HYAL4: variants seen among roughly 807,000 people sequenced by gnomAD.
The protein encoded by HYAL4 is hyaluronidase 4.
HYAL4 carries 37 observed loss-of-function variants against 35.2 expected under a neutral mutation model. The observed-to-expected ratio is 1.05, with a 90% CI of 0.81 to 1.38. The LOEUF (loss-of-function observed/expected upper bound fraction) is 1.38. Ranked by LOEUF, HYAL4 falls within the 40% of genes most tolerant of loss-of-function variation. HYAL4 has a pLI of 0.00. For synonymous variants in HYAL4, 198 were observed against 203.2 expected (o/e 0.97, Z 0.22); for missense variants, 572 against 572.4 (o/e 1.00, Z 0.01).
chr7:123,842,482 G>A (rs533399581), upstream of HYAL4, among the ~76,000 whole-genome samples: 4 of 151,974 alleles, frequency 2.6e-5, no homozygotes, highest in East Asian at 1.9e-4. Context: ...TGTTGATTTC[G>A]GGTGGAGAGT....
At chr7:123,857,661 CTTTG>C (rs55760125) in intron 2 of HYAL4, among the ~76,000 whole-genome samples, 2,086 of 88,220 alleles carry the variant, frequency 0.024, 55 homozygotes, top group African/African-American at 0.063. Flanking sequence ...TTGTTTCTTT[CTTTG>C]TTTGTTTCTT....
At chr7:123,839,288 C>T (rs1240633728) in intron 1 of HYAL4, among the ~76,000 whole-genome samples, 1 of 152,158 alleles carries the variant, frequency 6.6e-6, no homozygotes, top group Admixed American at 6.5e-5. Flanking sequence ...TTTCTGGCTT[C>T]ATCCATGTCC....
Position 123,836,478 on chromosome 7 carries a change from G to A in HYAL4, c.-257+7354G>A, listed in dbSNP as rs1269080193. Among the ~76,000 whole-genome samples, 3 of 152,096 alleles carry A rather than the reference G, an allele frequency of 2.0e-5. No homozygotes were observed. The East Asian group carries it at 5.8e-4, about 29-fold the overall frequency. On this transcript the variant is annotated intron_variant, in intron 1 of 4. Coordinates refer to the HYAL4 transcript ENST00000489978. ...CTTAAGTTTATATGAGTCCTTATGT[G>A]TTAGGTGAGTCCTGAAGGCAGCATT...
chr7:123,788,156 A>G, the HYAL4 span, among the ~76,000 whole-genome samples: 1 of 152,162 alleles, frequency 6.6e-6, no homozygotes, highest in African/African-American at 2.4e-5. Flanking sequence ...CATCTCTACT[A>G]AGATAAAATT....
At chr7:123,837,139 A>T (rs1805977767) in intron 1 of HYAL4, among the ~76,000 whole-genome samples, 1 of 152,184 alleles carries the variant, frequency 6.6e-6, no homozygotes, top group African/African-American at 2.4e-5. Flanking sequence ...TGTCTGAAAA[A>T]GACTATCTTT....
At chr7:123,841,798 T>C (rs1195937593), upstream of HYAL4, among the ~76,000 whole-genome samples, 4 of 152,080 alleles carry the variant, frequency 2.6e-5, no homozygotes, top group Non-Finnish European at 5.9e-5. Context: ...TTTATGGTAT[T>C]CACTGATGGT....
chr7:123,831,446 T>G (rs948322800), intron 1 of HYAL4, among the ~76,000 whole-genome samples: 6 of 152,232 alleles, frequency 3.9e-5, no homozygotes, highest in South Asian at 2.1e-4. Flanking sequence ...GAACTCTTTT[T>G]TGTGTGTAAT....
At chr7:123,810,701 G>T in the HYAL4 span, among the ~76,000 whole-genome samples, 3 of 152,092 alleles carry the variant, frequency 2.0e-5, no homozygotes, top group Admixed American at 1.3e-4. Context: ...TTACATTAGG[G>T]TTCACTCTTC....
the HYAL4 span, among the ~76,000 whole-genome samples, chr7:123,779,279 A>G: frequency 6.6e-6 from 1 of 152,144 alleles, no homozygotes; most frequent in Non-Finnish European, 1.5e-5. Context: ...TTGAGAAGAA[A>G]AAGGTTAAGA....
At chr7:123,865,150 G>A (rs767588905) in intron 2 of HYAL4, among the ~76,000 whole-genome samples, 8 of 152,114 alleles carry the variant, frequency 5.3e-5, no homozygotes, top group Non-Finnish European at 8.8e-5. Flanking sequence ...GTGGTGATGA[G>A]GGAGCCGACC....
At chr7:123,836,957 G>A (rs1165649754) in intron 1 of HYAL4, among the ~76,000 whole-genome samples, 1 of 151,984 alleles carries the variant, frequency 6.6e-6, no homozygotes, top group Non-Finnish European at 1.5e-5. Context: ...GAATCCTGGA[G>A]GCCAAGGCTG....
At chr7:123,832,733 C>CCTCATGAT (rs1805904763) in intron 1 of HYAL4, among the ~76,000 whole-genome samples, 1 of 151,856 alleles carries the variant, frequency 6.6e-6, no homozygotes, top group Non-Finnish European at 1.5e-5. Context: ...GATCTCCAGA[C>CCTCATGAT]CTCATGATCT....
At chr7:123,822,866 A>G in the HYAL4 span, among the ~76,000 whole-genome samples, 1 of 152,178 alleles carries the variant, frequency 6.6e-6, no homozygotes, top group Admixed American at 6.5e-5. Flanking sequence ...TCAGGAGGCT[A>G]CAGCAGGAGG....
the HYAL4 span, among the ~76,000 whole-genome samples, chr7:123,810,344 G>A: frequency 6.6e-6 from 1 of 152,038 alleles, no homozygotes; most frequent in East Asian, 1.9e-4. Context: ...AAAAACCCGT[G>A]TTACTTCATA....
At chr7:123,831,383 A>T (rs943427234) in intron 1 of HYAL4, among the ~76,000 whole-genome samples, 1 of 152,174 alleles carries the variant, frequency 6.6e-6, no homozygotes, top group African/African-American at 2.4e-5. Flanking sequence ...GACTATAGCA[A>T]TGCTAAATGA....
intron 2 of HYAL4, among the ~76,000 whole-genome samples, chr7:123,861,822 T>C (rs997833892): frequency 7.2e-5 from 11 of 152,116 alleles, no homozygotes; most frequent in Non-Finnish European, 1.5e-4. Context: ...TCTTTGATAA[T>C]AACATAAAAT....
chr7:123,807,432 G>GTTTGTTTTTTTTTTTT, the HYAL4 span, among the ~76,000 whole-genome samples: 2 of 120,800 alleles, frequency 1.7e-5, no homozygotes, highest in African/African-American at 3.1e-5. Flanking sequence ...ACTTTTTATG[G>GTTTGTTTTTTTTTTTT]TTTTTTTTTT....
intron 2 of HYAL4, among the ~76,000 whole-genome samples, chr7:123,857,045 C>G (rs999475471): frequency 6.6e-6 from 1 of 152,154 alleles, no homozygotes; most frequent in East Asian, 1.9e-4. Context: ...TCACCAAGCT[C>G]GAGCATCCCA....
chr7:123,765,986 A>G, the HYAL4 span, among the ~76,000 whole-genome samples: 1 of 152,144 alleles, frequency 6.6e-6, no homozygotes, highest in Non-Finnish European at 1.5e-5. Context: ...TCTCCGAAAT[A>G]TGCTTTAGAA....
Sources: gnomAD v4.1 joint callset for allele counts (sites outside exome capture counted in the v4.1 genomes callset) on GRCh38, gnomAD v4.1.1 for gene constraint, MANE v1.5 for transcripts, NCBI Gene and HGNC (gene_info 2026-07-23, HGNC 2026-07-21) for gene names.